ZFHX3: variants seen among roughly 807,000 people sequenced by gnomAD.
The protein encoded by ZFHX3 is zinc finger homeobox 3.
ZFHX3 carries 42 observed loss-of-function variants against 279.1 expected under a neutral mutation model. That is an observed-to-expected ratio of 0.15 (90% CI 0.12 to 0.19). The LOEUF (loss-of-function observed/expected upper bound fraction) is 0.19. Ranked by LOEUF, ZFHX3 falls within the 10% of genes least tolerant of loss-of-function variation. ZFHX3 has a pLI of 1.00. For missense variants in ZFHX3, 4,981 were observed against 4,754.0 expected (o/e 1.05, Z -1.40); for synonymous variants, 2,293 against 1,957.8 (o/e 1.17, Z -4.52).
At chr16:72,913,631 T>A (rs1296488999) in intron 3 of ZFHX3, among the ~76,000 whole-genome samples, 1 of 152,094 alleles carries the variant, frequency 6.6e-6, no homozygotes, top group Non-Finnish European at 1.5e-5. Flanking sequence ...CACTTTTCTT[T>A]CTCCAGACTT....
rs753395111 is a variant in ZFHX3 at position 72,957,461 on chromosome 16, G to A, written c.2685C>T (p.Pro895=). The change falls in exon 2 of 10, where the codon CCC becomes CCT. Residue 895 remains proline (P), a synonymous_variant. Transcript: ENST00000268489. ...GCGTCATGGCGGCCATGGGCCCGGC[G>A]GGATCCAGCTGGAATCCGCTCATCA... ...QFMMSGFQLD[P]AGPMAAMTPA... 2.9e-5 allele frequency: 46 copies of A among 1,613,086 alleles called. No homozygotes were observed. The highest frequency in any genetic ancestry group is 4.0e-5 in the African/African-American group (3 of 74,880).
At chr16:73,681,797 T>C (rs577940747) in intron 1 of ZFHX3, among the ~76,000 whole-genome samples, 14 of 152,300 alleles carry the variant, frequency 9.2e-5, no homozygotes, top group South Asian at 6.2e-4. Context: ...CTGAAAACTA[T>C]AACAATGGAA....
chr16:73,831,709 T>C (rs1253008051), intron 1 of ZFHX3, among the ~76,000 whole-genome samples: 1 of 152,126 alleles, frequency 6.6e-6, no homozygotes, highest in Non-Finnish European at 1.5e-5. Flanking sequence ...TTTCAACTCA[T>C]TGGTCCTTGC....
At chr16:72,926,946 G>A (rs917456411) in intron 3 of ZFHX3, among the ~76,000 whole-genome samples, 1 of 152,180 alleles carries the variant, frequency 6.6e-6, no homozygotes, top group Non-Finnish European at 1.5e-5. Flanking sequence ...AAATTTATAG[G>A]AAAGTCTCCA....
chr16:73,695,554 G>C (rs2142211631), intron 1 of ZFHX3, among the ~76,000 whole-genome samples: 1 of 152,344 alleles, frequency 6.6e-6, no homozygotes, highest in Admixed American at 6.5e-5. Flanking sequence ...CTGGCGTTGA[G>C]TCCAGGTCTT....
chr16:73,058,294 A>C (rs915793721), intron 1 of ZFHX3, among the ~76,000 whole-genome samples: 1 of 131,386 alleles, frequency 7.6e-6, no homozygotes, highest in Non-Finnish European at 1.6e-5. Context: ...AGAGAAAGAG[A>C]AAGTTTGGCG....
At chr16:73,522,913 G>A (rs191664674) in intron 2 of ZFHX3, among the ~76,000 whole-genome samples, 1 of 152,080 alleles carries the variant, frequency 6.6e-6, no homozygotes, top group African/African-American at 2.4e-5. Context: ...CGGGGCATGG[G>A]GAAGCTCCTT....
intron 4 of ZFHX3, among the ~76,000 whole-genome samples, chr16:73,306,253 A>T (rs144869931): frequency 6.6e-6 from 1 of 152,334 alleles, no homozygotes. Context: ...TAAAAAAATC[A>T]ATATAGATCA....
At chr16:73,081,434 T>C (rs1351611714) in intron 8 of ZFHX3, 1 of 152,114 alleles carries the variant, frequency 6.6e-6, no homozygotes, top group Non-Finnish European at 1.5e-5. Flanking sequence ...TAATTTTGTA[T>C]TTTTAGTAGA....
chr16:73,817,427 A>C (rs1214175988), intron 1 of ZFHX3, among the ~76,000 whole-genome samples: 1 of 152,164 alleles, frequency 6.6e-6, no homozygotes, highest in African/African-American at 2.4e-5. Flanking sequence ...CTTTTCAAAG[A>C]CTTCAAGTAC....
At chr16:73,767,020 C>G (rs971628971) in intron 1 of ZFHX3, among the ~76,000 whole-genome samples, 5 of 151,322 alleles carry the variant, frequency 3.3e-5, no homozygotes, top group Admixed American at 2.0e-4. Context: ...AGTGCAACCT[C>G]CACCTCCCGG....
At chr16:73,755,318 AGAG>A (rs1429581284) in intron 1 of ZFHX3, among the ~76,000 whole-genome samples, 2 of 152,216 alleles carry the variant, frequency 1.3e-5, no homozygotes, top group Non-Finnish European at 2.9e-5. Context: ...AATAAGAGAA[AGAG>A]GAGTAGAAAG....
chr16:73,610,144 C>G (rs2052230384), intron 2 of ZFHX3: 1 of 152,036 alleles, frequency 6.6e-6, no homozygotes, highest in African/African-American at 2.4e-5. Context: ...CTTAGGGAGC[C>G]CTGCACTCTG....
chr16:73,426,047 C>T (rs777190612), intron 3 of ZFHX3, among the ~76,000 whole-genome samples: 1 of 152,180 alleles, frequency 6.6e-6, no homozygotes, highest in African/African-American at 2.4e-5. Context: ...CCATAGCACT[C>T]ACCCTTGGGC....
intron 5 of ZFHX3, among the ~76,000 whole-genome samples, chr16:73,196,402 G>T (rs1197318979): frequency 6.6e-6 from 1 of 152,042 alleles, no homozygotes; most frequent in Non-Finnish European, 1.5e-5. Context: ...CCATCCTGAT[G>T]GCTACGGACT....
chr16:72,894,773 T>G (rs1294932171), intron 3 of ZFHX3, among the ~76,000 whole-genome samples: 1 of 152,220 alleles, frequency 6.6e-6, no homozygotes, highest in East Asian at 1.9e-4. Flanking sequence ...CTGCCTGCTT[T>G]CAGAGTTCTT....
At chr16:73,448,516 C>A (rs549946010) in intron 3 of ZFHX3, among the ~76,000 whole-genome samples, 2 of 151,362 alleles carry the variant, frequency 1.3e-5, no homozygotes, top group South Asian at 4.2e-4. Context: ...TGCTACAGGG[C>A]AAAGGCTTGA....
At chr16:72,894,174 T>C (rs1280676211) in intron 3 of ZFHX3, among the ~76,000 whole-genome samples, 1 of 147,706 alleles carries the variant, frequency 6.8e-6, no homozygotes, top group African/African-American at 2.5e-5. Flanking sequence ...AAATCCAGAA[T>C]AAACTATATC....
chr16:72,984,992 G>GA (rs1449227072), intron 1 of ZFHX3, among the ~76,000 whole-genome samples: 1 of 151,720 alleles, frequency 6.6e-6, no homozygotes, highest in African/African-American at 2.4e-5. Context: ...ATTAAAAGAG[G>GA]AAAAAAACAA....
Sources: allele counts gnomAD v4.1 joint callset (sites outside exome capture counted in the v4.1 genomes callset), GRCh38; gene constraint gnomAD v4.1.1; transcripts MANE v1.5; gene names NCBI Gene and HGNC (gene_info 2026-07-23, HGNC 2026-07-21).